The following VSNL1 variants were observed in gnomAD, a reference collection of about 807,000 sequenced individuals.
VSNL1 encodes the protein visinin-like protein 1.
Under a neutral mutation model 20.4 loss-of-function variants are expected in VSNL1, and 6 were observed. That is an observed-to-expected ratio of 0.29 (90% CI 0.16 to 0.58). VSNL1 has a LOEUF of 0.58. Ranked by LOEUF, VSNL1 falls within the 20% of genes least tolerant of loss-of-function variation. The probability of loss-of-function intolerance (pLI) is 0.90; values close to 1 mark genes in which losing one functional copy is unlikely to be tolerated. For missense variants in VSNL1, 100 were observed against 234.5 expected, an observed-to-expected ratio of 0.43 and a Z score of 3.75; for synonymous variants, 93 against 86.4, an observed-to-expected ratio of 1.08 and a Z score of -0.42.
At chr2:17,606,399 C>T (rs1212658151) in intron 2 of VSNL1, among the ~76,000 whole-genome samples, 7 of 152,172 alleles carry the variant, frequency 4.6e-5, no homozygotes, top group East Asian at 1.9e-4. Context: ...CCTCCAAGTC[C>T]GAGTTTTCTC....
intron 1 of VSNL1, among the ~76,000 whole-genome samples, chr2:17,551,903 A>AAAAAT (rs530241346): frequency 4.7e-5 from 7 of 150,494 alleles, no homozygotes; most frequent in Non-Finnish European, 1.0e-4. Flanking sequence ...TGTTAAAAAA[A>AAAAAT]AAAAAAAAAA....
chr2:17,597,130 TG>T (rs1468224098), intron 2 of VSNL1, among the ~76,000 whole-genome samples: 4 of 152,152 alleles, frequency 2.6e-5, no homozygotes, highest in Non-Finnish European at 5.9e-5. Context: ...CTTGTGGGTT[TG>T]GGGGCAGTGG....
At chr2:17,567,968 C>T (rs1448481004) in intron 1 of VSNL1, among the ~76,000 whole-genome samples, 3 of 151,912 alleles carry the variant, frequency 2.0e-5, no homozygotes, top group African/African-American at 7.3e-5. Flanking sequence ...AGGTATTTTA[C>T]CTCTCTTTTC....
chr2:17,655,536 T>A lies in VSNL1; in HGVS notation c.*142T>A. ...TGGACTACCTATAAATGGACTTGCT[T>A]CTTGTGTTTGAAACACTCGTGTGCA... On this transcript the variant is annotated 3_prime_UTR_variant, in exon 4 of 4. Transcript: ENST00000295156. This position sits in a 1 kb window ranked among gnomAD's most constrained non-coding sequence, Gnocchi z 5.2. 1.3e-6 allele frequency: 1 copy of A among 790,096 alleles called. No individual in the cohort carries two copies. Among genetic ancestry groups the A allele is most frequent in the African/African-American group, 1.7e-5 (1 of 57,812 alleles). The allele number at this position is 790,096 out of a possible 1,614,324, so 48.9% of individuals were successfully genotyped here. A position where few individuals can be genotyped will look rare whatever the true frequency, so the allele number is the denominator to read the frequency against.
At chr2:17,580,311 A>G (rs1023420238) in intron 1 of VSNL1, among the ~76,000 whole-genome samples, 1 of 152,210 alleles carries the variant, frequency 6.6e-6, no homozygotes, top group Admixed American at 6.5e-5. Context: ...GGGAACATTA[A>G]CATCTCTGGT....
intron 2 of VSNL1, among the ~76,000 whole-genome samples, chr2:17,617,445 A>G (rs1026394050): frequency 2.0e-5 from 3 of 152,082 alleles, no homozygotes; most frequent in African/African-American, 4.8e-5. Flanking sequence ...GTAGTGAGCC[A>G]TGATCATGCC....
At chr2:17,557,947 A>G (rs768700491) in intron 1 of VSNL1, among the ~76,000 whole-genome samples, 8 of 152,156 alleles carry the variant, frequency 5.3e-5, no homozygotes, top group Non-Finnish European at 1.0e-4. Context: ...CTACAACTCT[A>G]TGTGCTTCTA....
At chr2:17,630,314 G>A (rs1665602892) in intron 2 of VSNL1, among the ~76,000 whole-genome samples, 1 of 152,202 alleles carries the variant, frequency 6.6e-6, no homozygotes, top group South Asian at 2.1e-4. Flanking sequence ...ATTCCCTCAG[G>A]CTCAATGCCC....
chr2:17,592,638 CTCTTTTTTTTTTTTTTTTTTTTTTT>C (rs1558292769), intron 2 of VSNL1, among the ~76,000 whole-genome samples: 1 of 77,636 alleles, frequency 1.3e-5, no homozygotes, highest in East Asian at 3.7e-4. Flanking sequence ...CTCTCTCTCT[CTCTTTTTTTTTTTTTTTTTTTTTTT>C]TTTTTTTTTT....
intron 2 of VSNL1, among the ~76,000 whole-genome samples, chr2:17,610,822 G>T (rs955453985): frequency 6.6e-6 from 1 of 152,132 alleles, no homozygotes; most frequent in Admixed American, 6.5e-5. Context: ...GCCAGGCAAG[G>T]GCCACAGTTC....
At chr2:17,562,331 ACT>A (rs1465036314) in intron 1 of VSNL1, among the ~76,000 whole-genome samples, 3 of 152,122 alleles carry the variant, frequency 2.0e-5, no homozygotes, top group Non-Finnish European at 4.4e-5. Flanking sequence ...GCATTCACAG[ACT>A]CTTGGCAATA....
intron 2 of VSNL1, among the ~76,000 whole-genome samples, chr2:17,597,487 C>T (rs915756726): frequency 9.2e-5 from 14 of 152,208 alleles, no homozygotes; most frequent in African/African-American, 3.4e-4. Context: ...AAATTTTCTT[C>T]TTAGAAAAGT....
chr2:17,651,897 T>TTA (rs1165322696), intron 3 of VSNL1, among the ~76,000 whole-genome samples: 2 of 152,356 alleles, frequency 1.3e-5, no homozygotes, highest in African/African-American at 4.8e-5. Flanking sequence ...TTGTCTTCAT[T>TTA]TATAGAGTGC....
intron 1 of VSNL1, among the ~76,000 whole-genome samples, chr2:17,561,914 A>G (rs1663825638): frequency 6.6e-6 from 1 of 152,222 alleles, no homozygotes; most frequent in African/African-American, 2.4e-5. Context: ...GTTAATCCAA[A>G]AAATGACACT....
At chr2:17,632,498 A>G (rs1315711117) in intron 2 of VSNL1, among the ~76,000 whole-genome samples, 1 of 151,972 alleles carries the variant, frequency 6.6e-6, no homozygotes, top group Non-Finnish European at 1.5e-5. Flanking sequence ...ATGGAGTTTC[A>G]CCATGTTGGT....
intron 2 of VSNL1, among the ~76,000 whole-genome samples, chr2:17,613,858 G>T (rs921825729): frequency 2.6e-5 from 4 of 152,218 alleles, no homozygotes; most frequent in African/African-American, 9.6e-5. Flanking sequence ...CATGTAGGGA[G>T]ATCAATAATG....
At chr2:17,555,987 A>C (rs1663666541) in intron 1 of VSNL1, among the ~76,000 whole-genome samples, 1 of 152,214 alleles carries the variant, frequency 6.6e-6, no homozygotes, top group Admixed American at 6.5e-5. Context: ...GAAATGGGCC[A>C]GGTGTTACAC....
At chr2:17,573,289 C>T (rs993958188) in intron 1 of VSNL1, among the ~76,000 whole-genome samples, 1 of 152,030 alleles carries the variant, frequency 6.6e-6, no homozygotes, top group Non-Finnish European at 1.5e-5. Flanking sequence ...CATGGTGACC[C>T]CTATGGGTCT....
At chr2:17,632,276 G>GT (rs996643492) in intron 2 of VSNL1, among the ~76,000 whole-genome samples, 16 of 150,948 alleles carry the variant, frequency 1.1e-4, no homozygotes, top group South Asian at 8.4e-4. Context: ...AATGGTCATT[G>GT]TTTTTTTTTG....
Sources: gnomAD v4.1 joint callset for allele counts (sites outside exome capture counted in the v4.1 genomes callset) on GRCh38, gnomAD v4.1.1 for gene constraint, Gnocchi (gnomAD v3.1) non-coding constraint, MANE v1.5 for transcripts, NCBI Gene and HGNC (gene_info 2026-07-23, HGNC 2026-07-21) for gene names.